Variants in UST observed in about 807,000 individuals in gnomAD.
UST encodes chondroitin sulfate 2-O-sulfotransferase.
A neutral mutation model predicts 45.6 loss-of-function variants in UST; 21 were observed. That is an observed-to-expected ratio of 0.46 (90% confidence interval 0.33 to 0.66). The LOEUF is 0.66. Ranked by LOEUF, UST falls within the 30% of genes least tolerant of loss-of-function variation. UST has a pLI of 0.02. For missense variants in UST, 463 were observed against 512.4 expected (o/e 0.90, Z 0.93); for synonymous variants, 215 against 200.6 (o/e 1.07, Z -0.61).
intron 2 of UST, among the ~76,000 whole-genome samples, chr6:148,919,594 A>G (rs1240877494): frequency 1.3e-5 from 2 of 152,236 alleles, no homozygotes; most frequent in Non-Finnish European, 2.9e-5. Flanking sequence ...CTTGTCCCAC[A>G]GGTACCATGG....
chr6:149,062,071 C>T (rs369290087), intron 7 of UST, among the ~76,000 whole-genome samples: 19 of 152,190 alleles, frequency 1.2e-4, no homozygotes, highest in Non-Finnish European at 1.6e-4. Context: ...AGCTGCAAGA[C>T]GGTGGCTTCT....
chr6:149,048,518 A>G (rs1348340357), intron 7 of UST, among the ~76,000 whole-genome samples: 1 of 135,392 alleles, frequency 7.4e-6, no homozygotes, highest in East Asian at 2.0e-4. Flanking sequence ...CCTGGGCAAT[A>G]GAGTGAGACT....
intron 7 of UST, among the ~76,000 whole-genome samples, chr6:149,047,995 A>G (rs1776417905): frequency 6.6e-6 from 1 of 152,244 alleles, no homozygotes; most frequent in South Asian, 2.1e-4. Flanking sequence ...GCAAAAGGTA[A>G]TGTGCTCTCT....
At chr6:148,800,644 G>C (rs1414837386) in intron 1 of UST, among the ~76,000 whole-genome samples, 1 of 151,830 alleles carries the variant, frequency 6.6e-6, no homozygotes, top group African/African-American at 2.4e-5. Flanking sequence ...TTCACAATTC[G>C]AGGGATTGCC....
At chr6:148,956,405 G>A (rs190703585) in intron 4 of UST, among the ~76,000 whole-genome samples, 65 of 152,202 alleles carry the variant, frequency 4.3e-4, no homozygotes, top group South Asian at 2.5e-3. Context: ...ATGCAAAAGC[G>A]GAAATCCCTG....
At chr6:148,903,950 A>G (rs1779310178) in intron 2 of UST, among the ~76,000 whole-genome samples, 1 of 152,250 alleles carries the variant, frequency 6.6e-6, no homozygotes, top group Non-Finnish European at 1.5e-5. Context: ...GTTTTAGTCA[A>G]CAAAGACCAA....
intron 7 of UST, among the ~76,000 whole-genome samples, chr6:149,040,813 T>C (rs1776302065): frequency 6.6e-6 from 1 of 152,088 alleles, no homozygotes; most frequent in Non-Finnish European, 1.5e-5. Context: ...CTCAGAAACA[T>C]CCAGGTAAAG....
chr6:148,985,715 A>G (rs574655777), intron 5 of UST, among the ~76,000 whole-genome samples: 3 of 152,220 alleles, frequency 2.0e-5, no homozygotes, highest in East Asian at 3.9e-4. Context: ...TATGCGTGGG[A>G]TTGTCACGTT....
At chr6:148,844,966 G>T (rs577841331) in intron 1 of UST, among the ~76,000 whole-genome samples, 3 of 151,718 alleles carry the variant, frequency 2.0e-5, no homozygotes, top group South Asian at 4.2e-4. Context: ...CATTGTTGTT[G>T]TTTTTTTTAA....
intron 1 of UST, among the ~76,000 whole-genome samples, chr6:148,837,975 C>T (rs1213442559): frequency 2.6e-5 from 4 of 152,184 alleles, no homozygotes; most frequent in Non-Finnish European, 5.9e-5. Context: ...AGCCACCGTG[C>T]CTGGCCAAGT....
chr6:148,810,537 G>A (rs1449416822), intron 1 of UST, among the ~76,000 whole-genome samples: 1 of 152,174 alleles, frequency 6.6e-6, no homozygotes. Context: ...CTATTATTAG[G>A]AAAATTGTGT....
chr6:148,969,328 G>A (rs1234506276), intron 5 of UST, among the ~76,000 whole-genome samples: 4 of 152,160 alleles, frequency 2.6e-5, no homozygotes, highest in Non-Finnish European at 5.9e-5. Flanking sequence ...TTCCAAATAC[G>A]TGACGGTAAG....
intron 7 of UST, among the ~76,000 whole-genome samples, chr6:149,023,315 A>G (rs1338072126): frequency 1.3e-5 from 2 of 152,294 alleles, no homozygotes; most frequent in African/African-American, 2.4e-5. Context: ...ATCAGCTGCT[A>G]TGGATGAAGA....
intron 5 of UST, among the ~76,000 whole-genome samples, chr6:148,991,019 A>G (rs1781340570): frequency 6.6e-6 from 1 of 152,194 alleles, no homozygotes; most frequent in South Asian, 2.1e-4. Flanking sequence ...CTGACATCCT[A>G]GTGAGGTGAG....
At chr6:149,043,167 G>A (rs1040169920) in intron 7 of UST, among the ~76,000 whole-genome samples, 2 of 151,108 alleles carry the variant, frequency 1.3e-5, no homozygotes, top group Non-Finnish European at 2.9e-5. Context: ...AGAGTGTGGT[G>A]GCATGATCTC....
intron 5 of UST, among the ~76,000 whole-genome samples, chr6:148,966,226 A>T (rs1780794031): frequency 8.0e-6 from 1 of 124,420 alleles, no homozygotes; most frequent in Non-Finnish European, 1.6e-5. Flanking sequence ...TCCATCTCAA[A>T]AAATAATAAT....
intron 5 of UST, among the ~76,000 whole-genome samples, chr6:148,972,009 G>C (rs374571629): frequency 6.6e-6 from 1 of 152,208 alleles, no homozygotes; most frequent in East Asian, 1.9e-4. Context: ...AGCAGCTCCA[G>C]GTGGGGTCAG....
chr6:148,927,858 A>G (rs1779845666), intron 2 of UST, among the ~76,000 whole-genome samples: 1 of 152,228 alleles, frequency 6.6e-6, no homozygotes. Context: ...TGATGGTCCA[A>G]CTTGGACCAA....
chr6:148,836,505 C>T (rs113888828), intron 1 of UST, among the ~76,000 whole-genome samples: 1,707 of 152,288 alleles, frequency 0.011, 20 homozygotes, highest in Non-Finnish European at 0.018. Context: ...CGTTCAGGCA[C>T]GAACCTTTTC....
Sources: gnomAD v4.1 joint callset for allele counts (sites outside exome capture counted in the v4.1 genomes callset) on GRCh38, gnomAD v4.1.1 for gene constraint, MANE v1.5 for transcripts, NCBI Gene and HGNC (gene_info 2026-07-23, HGNC 2026-07-21) for gene names.